Variants in PHACTR1 observed in about 807,000 individuals in gnomAD.
The protein encoded by PHACTR1 is RPEL repeat containing 1.
In PHACTR1, 16 loss-of-function variants were observed where a neutral mutation model predicts 69.2. The observed-to-expected ratio is 0.23, with a 90% CI of 0.16 to 0.35. PHACTR1 has a LOEUF of 0.35. Among genes scored for constraint, PHACTR1 ranks in the 10% least tolerant of loss-of-function variants. The pLI, the probability that PHACTR1 is intolerant of heterozygous loss-of-function variation, is 1.00. For missense variants in PHACTR1, 510 were observed against 734.7 expected (o/e 0.69, Z 3.54); for synonymous variants, 312 against 284.5 (o/e 1.10, Z -0.97).
intron 3 of PHACTR1, among the ~76,000 whole-genome samples, chr6:12,730,748 C>T (rs1369037619): frequency 5.3e-5 from 8 of 152,160 alleles, no homozygotes; most frequent in Non-Finnish European, 4.4e-5. Flanking sequence ...CCCTCTCCCT[C>T]CTCCCACCCT....
At chr6:13,281,826 C>T (rs573480543) in intron 12 of PHACTR1, among the ~76,000 whole-genome samples, 10 of 152,300 alleles carry the variant, frequency 6.6e-5, no homozygotes, top group East Asian at 1.9e-4. Flanking sequence ...TGTGGGTTCC[C>T]GCGACAGGCC....
At chr6:13,144,823 G>A (rs947855701) in intron 5 of PHACTR1, among the ~76,000 whole-genome samples, 1 of 151,170 alleles carries the variant, frequency 6.6e-6, no homozygotes, top group East Asian at 1.9e-4. Context: ...ACCAAGAATG[G>A]TAAGAGCAAT....
intron 4 of PHACTR1, among the ~76,000 whole-genome samples, chr6:12,876,074 G>C (rs1264359324): frequency 6.6e-6 from 1 of 152,160 alleles, no homozygotes; most frequent in Non-Finnish European, 1.5e-5. Context: ...AAGGCTGTGA[G>C]CAGGTAAGGG....
intron 4 of PHACTR1, among the ~76,000 whole-genome samples, chr6:12,776,610 A>G (rs952988055): frequency 2.6e-5 from 4 of 152,228 alleles, no homozygotes; most frequent in African/African-American, 9.6e-5. Flanking sequence ...CTCCATTTTA[A>G]TATTTGGAAT....
chr6:12,907,513 A>G (rs1056338615), intron 4 of PHACTR1, among the ~76,000 whole-genome samples: 1 of 152,242 alleles, frequency 6.6e-6, no homozygotes, highest in Non-Finnish European at 1.5e-5. Flanking sequence ...TGTGGAGGTC[A>G]TTTTGATCTA....
chr6:12,719,242 G>C (rs1472138941), intron 3 of PHACTR1, among the ~76,000 whole-genome samples: 7 of 152,212 alleles, frequency 4.6e-5, no homozygotes, highest in Admixed American at 1.3e-4. Context: ...AGCAGGATTA[G>C]GGGCTCTTGA....
chr6:12,972,676 G>A (rs1284248663), intron 4 of PHACTR1, among the ~76,000 whole-genome samples: 1 of 137,020 alleles, frequency 7.3e-6, no homozygotes, highest in Non-Finnish European at 1.5e-5. Context: ...TTTTGAGACA[G>A]AGTCTCACTC....
chr6:13,029,252 A>G (rs1802115509), intron 4 of PHACTR1, among the ~76,000 whole-genome samples: 1 of 152,224 alleles, frequency 6.6e-6, no homozygotes, highest in African/African-American at 2.4e-5. Flanking sequence ...AAGATTAAAG[A>G]ATGTTAAATT....
At chr6:12,905,654 C>T (rs1051520500) in intron 4 of PHACTR1, among the ~76,000 whole-genome samples, 2 of 152,086 alleles carry the variant, frequency 1.3e-5, no homozygotes, top group African/African-American at 4.8e-5. Flanking sequence ...AAGGTGATGA[C>T]AAGGAATTAA....
At chr6:13,024,955 A>AT (rs1200096378) in intron 4 of PHACTR1, among the ~76,000 whole-genome samples, 5 of 152,094 alleles carry the variant, frequency 3.3e-5, no homozygotes, top group African/African-American at 2.4e-5. Context: ...GCCTAGGTTA[A>AT]TTTTTTTAGT....
chr6:13,262,994 T>C (rs1584288486), intron 10 of PHACTR1, among the ~76,000 whole-genome samples: 1 of 152,188 alleles, frequency 6.6e-6, no homozygotes, highest in Admixed American at 6.5e-5. Context: ...AGCTGTGACC[T>C]TGGTGTTCTG....
At chr6:12,803,462 A>C (rs1353942237) in intron 4 of PHACTR1, among the ~76,000 whole-genome samples, 1 of 152,172 alleles carries the variant, frequency 6.6e-6, no homozygotes, top group Non-Finnish European at 1.5e-5. Flanking sequence ...GAAAGGAAGA[A>C]GAGGAAATTA....
intron 4 of PHACTR1, among the ~76,000 whole-genome samples, chr6:12,910,055 C>T (rs1562002307): frequency 6.6e-6 from 1 of 152,202 alleles, no homozygotes; most frequent in Admixed American, 6.5e-5. Context: ...TCCCTTGGCT[C>T]AGCTCCTTTA....
At chr6:12,825,725 C>T (rs1776728813) in intron 4 of PHACTR1, among the ~76,000 whole-genome samples, 1 of 152,122 alleles carries the variant, frequency 6.6e-6, no homozygotes, top group South Asian at 2.1e-4. Flanking sequence ...GTCCTTCTGT[C>T]TCCATTTTTG....
chr6:13,231,064 G>GGAA (rs1192623783), intron 10 of PHACTR1, among the ~76,000 whole-genome samples: 2 of 1,286 alleles, frequency 1.6e-3, no homozygotes, highest in African/African-American at 3.4e-3. Flanking sequence ...AGGAAGGAAG[G>GGAA]AAGGAAGGAA....
At chr6:13,074,247 A>G (rs1381149859) in intron 5 of PHACTR1, among the ~76,000 whole-genome samples, 1 of 152,174 alleles carries the variant, frequency 6.6e-6, no homozygotes, top group Admixed American at 6.5e-5. Flanking sequence ...AAATTCCCAT[A>G]AACATAAAAA....
At chr6:13,034,627 T>C (rs1803019347) in intron 4 of PHACTR1, among the ~76,000 whole-genome samples, 1 of 152,182 alleles carries the variant, frequency 6.6e-6, no homozygotes, top group South Asian at 2.1e-4. Flanking sequence ...GGCTGGGTTG[T>C]TATCTGAGTG....
At chr6:13,129,569 C>T (rs530564660) in intron 5 of PHACTR1, among the ~76,000 whole-genome samples, 1 of 152,052 alleles carries the variant, frequency 6.6e-6, no homozygotes, top group Admixed American at 6.5e-5. Context: ...TAGGGACTTA[C>T]ATAATGATAA....
chr6:13,270,584 G>T (rs994224087), intron 10 of PHACTR1, among the ~76,000 whole-genome samples: 1 of 152,070 alleles, frequency 6.6e-6, no homozygotes, highest in Non-Finnish European at 1.5e-5. Context: ...ATAGGAACTG[G>T]GTCAAAGATA....
Sources: gnomAD v4.1 joint callset for allele counts (sites outside exome capture counted in the v4.1 genomes callset) on GRCh38, gnomAD v4.1.1 for gene constraint, MANE v1.5 for transcripts, NCBI Gene and HGNC (gene_info 2026-07-23, HGNC 2026-07-21) for gene names.